Variants in RNF144B observed in about 807,000 individuals in gnomAD.
The protein encoded by RNF144B is E3 ubiquitin-protein ligase RNF144B.
In RNF144B, 25 loss-of-function variants were observed where a neutral mutation model predicts 40.2. The observed-to-expected ratio is 0.62, with a 90% CI of 0.45 to 0.87. The LOEUF is 0.87. RNF144B is among the 40% of genes least tolerant of loss of function. The probability of loss-of-function intolerance (pLI) is 0.00; values close to 1 mark genes in which losing one functional copy is unlikely to be tolerated. For missense variants in RNF144B, 365 were observed against 373.7 expected (o/e 0.98, Z 0.19); for synonymous variants, 145 against 136.3 (o/e 1.06, Z -0.44).
Position 18,459,140 on chromosome 6 carries a change from T to C in RNF144B, c.537-467T>C, listed in dbSNP as rs1053610312. ...TGTGCCCCTTGGGGCTGTGAGCCTG[T>C]ATTGGTCTATTCGTCTGTTTGGAGA... On this transcript the variant is annotated intron_variant, in intron 5 of 7. Coordinates refer to ENST00000259939, the MANE Select transcript of RNF144B (RefSeq NM_182757.4). This position sits in a 1 kb window ranked among gnomAD's most constrained non-coding sequence, Gnocchi z 4.2. 1.3e-5 allele frequency among the ~76,000 whole-genome samples: 2 copies of C among 152,244 alleles called. No individual in the cohort carries two copies. The highest frequency in any genetic ancestry group is 2.1e-4 in the South Asian group (1 of 4,834).
In RNF144B at chr6:18,419,489, G is replaced by T. The variant is rs1027421595; in HGVS notation, c.166-8092G>T. 6.6e-6 allele frequency among the ~76,000 whole-genome samples: 1 copy of T among 152,150 alleles called. No homozygotes were observed. Among genetic ancestry groups the T allele is most frequent in the Non-Finnish European group, 1.5e-5 (1 of 68,028 alleles). ...TTTCCTGAAATTCCAGCATTTAAAA[G>T]TTGAGTTGAGGAAAATGCAGAAGAT... On this transcript the variant is annotated intron_variant, in intron 2 of 7. Coordinates refer to ENST00000259939, the MANE Select transcript of RNF144B (RefSeq NM_182757.4). This position sits in a 1 kb window ranked among gnomAD's most constrained non-coding sequence, Gnocchi z 4.6.
At position 18,410,247 on chromosome 6, in the gene RNF144B, C is replaced by T. The variant is rs2113475676; in HGVS notation, c.165+10548C>T. ...ATTCCAATATTCTCTAAGTCTATTC[C>T]CACCTTTGTCCAGACTCTACTGATC... On this transcript the variant is annotated intron_variant, in intron 2 of 7. Transcript: ENST00000259939. The surrounding 1 kb of genome is among the most constrained non-coding windows in gnomAD (Gnocchi z 4.6). 6.6e-6 allele frequency among the ~76,000 whole-genome samples: 1 copy of T among 152,226 alleles called. No homozygotes were observed. The highest frequency in any genetic ancestry group is 2.1e-4 in the South Asian group (1 of 4,818).
chr6:18,450,383 C>T lies in RNF144B; in HGVS notation c.332-6772C>T, dbSNP rs111585253. On this transcript the variant is annotated intron_variant, in intron 4 of 7. Coordinates refer to ENST00000259939, the MANE Select transcript of RNF144B (RefSeq NM_182757.4). This position sits in a 1 kb window ranked among gnomAD's most constrained non-coding sequence, Gnocchi z 4.7. ...CAATATTTCAGCTTACTGCGATCTCCGCCTCCCGGGTTCAAGTGATTCTCC... is the reference window on the plus strand; with the variant it reads ...CAATATTTCAGCTTACTGCGATCTCTGCCTCCCGGGTTCAAGTGATTCTCC... Among the ~76,000 whole-genome samples, 715 of 152,018 alleles carry T rather than the reference C, an allele frequency of 4.7e-3. 9 individuals carry two copies. Among genetic ancestry groups the T allele is most frequent in the African/African-American group, 0.016 (666 of 41,462 alleles).
At position 18,446,420 on chromosome 6, in the gene RNF144B, G is replaced by A. The variant is rs1170400773; in HGVS notation, c.331+6676G>A. On this transcript the variant is annotated intron_variant, in intron 4 of 7. Coordinates refer to ENST00000259939, the MANE Select transcript of RNF144B (RefSeq NM_182757.4). This position sits in a 1 kb window ranked among gnomAD's most constrained non-coding sequence, Gnocchi z 4.7. ...GGAATCTGGCCAGATTTCTATGTCT[G>A]GATCCCTGTTTCTCCGGGGGAAGCA... Among the ~76,000 whole-genome samples, 1 of 152,100 alleles carries A rather than the reference G, an allele frequency of 6.6e-6. No homozygotes were observed. Among genetic ancestry groups the A allele is most frequent in the Non-Finnish European group, 1.5e-5 (1 of 68,018 alleles).
chr6:18,453,026 A>G (rs1423819891), intron 4 of RNF144B, among the ~76,000 whole-genome samples: 1 of 151,194 alleles, frequency 6.6e-6, no homozygotes, highest in East Asian at 2.0e-4. Context: ...GGCTAATGTG[A>G]TAGGCCAGCC....
intron 1 of RNF144B, among the ~76,000 whole-genome samples, chr6:18,397,920 T>C (rs1220452681): frequency 1.3e-5 from 2 of 151,980 alleles, no homozygotes; most frequent in Admixed American, 6.6e-5. Flanking sequence ...ATCTATAAAA[T>C]GGGGAAAACA....
intron 3 of RNF144B, among the ~76,000 whole-genome samples, chr6:18,435,305 G>A (rs1758792283): frequency 6.6e-6 from 1 of 152,176 alleles, no homozygotes; most frequent in African/African-American, 2.4e-5. Flanking sequence ...TATACCTAGG[G>A]AGCTTTGCTT....
intron 1 of RNF144B, chr6:18,396,212 A>G: frequency 7.5e-6 from 2 of 265,264 alleles, no homozygotes; most frequent in Non-Finnish European, 1.2e-5. Context: ...GATTACCACA[A>G]TTTTTAGTTC....
At chr6:18,409,308 G>A (rs1380692216) in intron 2 of RNF144B, among the ~76,000 whole-genome samples, 1 of 146,646 alleles carries the variant, frequency 6.8e-6, no homozygotes, top group African/African-American at 2.5e-5. Context: ...AACCCGGGAA[G>A]TGGAGGTTGC....
rs1415912222 is a variant in RNF144B at position 18,402,632 on chromosome 6, C to G, written c.165+2933C>G. 1.3e-5 allele frequency among the ~76,000 whole-genome samples: 2 copies of G among 151,656 alleles called. 1 individual carries two copies. Among genetic ancestry groups the G allele is most frequent in the Non-Finnish European group, 2.9e-5 (2 of 67,932 alleles). ...TCTTGTTTAGCTTCTTCTGATGAAGCATTTCCCTTTGACCGTGCCACCCTT... is the reference window on the plus strand; with the variant it reads ...TCTTGTTTAGCTTCTTCTGATGAAGGATTTCCCTTTGACCGTGCCACCCTT... On this transcript the variant is annotated intron_variant, in intron 2 of 7. Coordinates refer to ENST00000259939, the MANE Select transcript of RNF144B (RefSeq NM_182757.4).
Position 18,405,105 on chromosome 6 carries a change from G to T in RNF144B, c.165+5406G>T, listed in dbSNP as rs1424048693. Among the ~76,000 whole-genome samples, 2 of 151,362 alleles carry T rather than the reference G, an allele frequency of 1.3e-5. No homozygotes were observed. The highest frequency in any genetic ancestry group is 2.4e-5 in the African/African-American group (1 of 41,178). ...TTCAAAGCACTGTATTATTCTGTTG[G>T]TTTCTGGTACCTAAATATGCTTGCT... On this transcript the variant is annotated intron_variant, in intron 2 of 7. Coordinates refer to ENST00000259939, the MANE Select transcript of RNF144B (RefSeq NM_182757.4). The surrounding 1 kb of genome is among the most constrained non-coding windows in gnomAD (Gnocchi z 4.5).
rs1001053694 is a variant in RNF144B, at chr6:18,414,915, G to T, written c.166-12666G>T. On this transcript the variant is annotated intron_variant, in intron 2 of 7. Transcript: ENST00000259939. This position sits in a 1 kb window ranked among gnomAD's most constrained non-coding sequence, Gnocchi z 4.9. The stretch of plus-strand genomic sequence containing the variant: ...CAAATACCTGTAGAGTTATCCCTTG[G>T]TATCTTCAGGATATTGGTTCCAAGC... Among the ~76,000 whole-genome samples the T allele has an allele frequency of 6.6e-6, 1 of 152,026 alleles. No individual in the cohort carries two copies. Among genetic ancestry groups the T allele is most frequent in the African/African-American group, 2.4e-5 (1 of 41,376 alleles).
intron 6 of RNF144B, among the ~76,000 whole-genome samples, chr6:18,461,891 T>C (rs901839685): frequency 3.9e-5 from 6 of 152,140 alleles, no homozygotes; most frequent in African/African-American, 1.2e-4. Flanking sequence ...TTGAGTGTTG[T>C]TGGAGTTGAG....
At chr6:18,428,133 C>T (rs1418908183) in intron 3 of RNF144B, among the ~76,000 whole-genome samples, 2 of 152,140 alleles carry the variant, frequency 1.3e-5, no homozygotes, top group East Asian at 1.9e-4. Flanking sequence ...TTATAAGGGG[C>T]TTCCCTGCCC....
intron 4 of RNF144B, among the ~76,000 whole-genome samples, chr6:18,440,989 G>T (rs771218403): frequency 8.6e-5 from 13 of 151,944 alleles, no homozygotes; most frequent in Non-Finnish European, 1.8e-4. Context: ...TTATAATGTT[G>T]AACATGGAAT....
intron 3 of RNF144B, among the ~76,000 whole-genome samples, chr6:18,437,005 G>A (rs917528090): frequency 6.6e-6 from 1 of 152,070 alleles, no homozygotes; most frequent in Non-Finnish European, 1.5e-5. Context: ...ACATCAAGGG[G>A]TAGATCTTTT....
rs536831517 is a variant in RNF144B at position 18,447,011 on chromosome 6, C to T, written c.331+7267C>T. Among the ~76,000 whole-genome samples, 7 of 152,014 alleles carry T rather than the reference C, an allele frequency of 4.6e-5. No homozygotes were observed. The South Asian group carries it at 1.5e-3, about 32-fold the overall frequency. ...AGCTGATGGGGAATACAGTGATCAT[C>T]AGGACAAAATCCCTGCCCTAAAGGA... On this transcript the variant is annotated intron_variant, in intron 4 of 7. Coordinates refer to ENST00000259939, the MANE Select transcript of RNF144B (RefSeq NM_182757.4). This position sits in a 1 kb window ranked among gnomAD's most constrained non-coding sequence, Gnocchi z 5.6.
intron 1 of RNF144B, among the ~76,000 whole-genome samples, chr6:18,394,887 T>C (rs1188820964): frequency 6.6e-6 from 1 of 152,170 alleles, no homozygotes; most frequent in Non-Finnish European, 1.5e-5. Context: ...TCCTGGTAAT[T>C]TAGTGCAAAC....
At chr6:18,449,494 T>C (rs1387112182) in intron 4 of RNF144B, among the ~76,000 whole-genome samples, 1 of 152,112 alleles carries the variant, frequency 6.6e-6, no homozygotes. Flanking sequence ...CTAAGAAATA[T>C]ACAAAAGTAA....
Sources: allele counts gnomAD v4.1 joint callset (sites outside exome capture counted in the v4.1 genomes callset), GRCh38; gene constraint gnomAD v4.1.1; non-coding constraint Gnocchi (gnomAD v3.1); transcripts MANE v1.5; gene names NCBI Gene and HGNC (gene_info 2026-07-23, HGNC 2026-07-21).